Variants in ACBD6 observed in about 807,000 individuals in gnomAD.
ACBD6 encodes acyl-CoA binding domain containing 6.
In ACBD6, 28 loss-of-function variants were observed where a neutral mutation model predicts 37.2. That is an observed-to-expected ratio of 0.75 (90% confidence interval 0.56 to 1.03). The LOEUF is 1.03. Among genes scored for constraint, ACBD6 ranks in the 50% least tolerant of loss-of-function variants. The probability of loss-of-function intolerance (pLI) is 0.00; values close to 1 mark genes in which losing one functional copy is unlikely to be tolerated. For synonymous variants in ACBD6, 113 were observed against 126.8 expected (o/e 0.89, Z 0.73); for missense variants, 340 against 337.4 (o/e 1.01, Z -0.06).
chr1:180,344,099 T>C (rs1652085017), intron 6 of ACBD6, among the ~76,000 whole-genome samples: 1 of 152,080 alleles, frequency 6.6e-6, no homozygotes, highest in African/African-American at 2.4e-5. Context: ...GGCCTGTCTT[T>C]GACTATGAAA....
intron 6 of ACBD6, among the ~76,000 whole-genome samples, chr1:180,328,740 C>G (rs1173859933): frequency 6.6e-6 from 1 of 152,024 alleles, no homozygotes; most frequent in Non-Finnish European, 1.5e-5. Flanking sequence ...AATAGTATTT[C>G]TAAGCCTGGA....
At chr1:180,489,998 A>G (rs1244212199) in intron 3 of ACBD6, among the ~76,000 whole-genome samples, 3 of 152,214 alleles carry the variant, frequency 2.0e-5, no homozygotes, top group Admixed American at 6.5e-5. Flanking sequence ...AAATTTTACT[A>G]AAGTACTGAA....
intron 9 of ACBD6, among the ~76,000 whole-genome samples, chr1:180,280,188 C>T (rs1037964444): frequency 3.3e-5 from 5 of 152,062 alleles, no homozygotes; most frequent in Admixed American, 6.5e-5. Context: ...GGAGAGTGGG[C>T]AAGGAAATCT....
chr1:180,480,111 T>C (rs1650967113), intron 3 of ACBD6, among the ~76,000 whole-genome samples: 1 of 152,234 alleles, frequency 6.6e-6, no homozygotes, highest in South Asian at 2.1e-4. Context: ...AACCAGATTA[T>C]GGTGGACTTT....
chr1:180,382,529 C>CAAAAA (rs1296623121), intron 6 of ACBD6, among the ~76,000 whole-genome samples: 1 of 151,964 alleles, frequency 6.6e-6, no homozygotes, highest in East Asian at 1.9e-4. Flanking sequence ...CTGAATAGAC[C>CAAAAA]AACAGTGAGT....
intron 3 of ACBD6, among the ~76,000 whole-genome samples, chr1:180,464,766 C>T (rs960299696): frequency 2.0e-5 from 3 of 152,102 alleles, no homozygotes; most frequent in Non-Finnish European, 4.4e-5. Context: ...AGAGAAATCA[C>T]ATTACCCAAC....
rs1178836357 is a variant in ACBD6, at chr1:180,475,906, TC to T, written c.384+16362del. On this transcript the variant is annotated intron_variant, in intron 3 of 7. Transcript: ENST00000367595. ...AGAGTTGGTGGGGCACTTTTCATTT[TC>T]CCTTTTACTTAAATCAACAACATGG... 3.9e-5 allele frequency among the ~76,000 whole-genome samples: 6 copies of T among 152,218 alleles called. 1 individual carries two copies. The highest frequency in any genetic ancestry group is 8.8e-5 in the Non-Finnish European group (6 of 68,040).
intron 9 of ACBD6, among the ~76,000 whole-genome samples, chr1:180,279,136 G>C (rs1649223670): frequency 6.6e-6 from 1 of 152,122 alleles, no homozygotes; most frequent in African/African-American, 2.4e-5. Flanking sequence ...TATACTTAGA[G>C]CCATGAAATA....
At chr1:180,331,401 T>C (rs917097933) in intron 6 of ACBD6, among the ~76,000 whole-genome samples, 1 of 152,168 alleles carries the variant, frequency 6.6e-6, no homozygotes, top group Non-Finnish European at 1.5e-5. Context: ...CAGGGGAAAA[T>C]GTAGTCAATA....
At chr1:180,299,251 C>T (rs886120023) in intron 7 of ACBD6, among the ~76,000 whole-genome samples, 2 of 152,152 alleles carry the variant, frequency 1.3e-5, no homozygotes, top group Admixed American at 1.3e-4. Context: ...CCTTTCAAAA[C>T]AGACAAAGGC....
intron 6 of ACBD6, among the ~76,000 whole-genome samples, chr1:180,322,728 A>C (rs1441100675): frequency 6.8e-6 from 1 of 147,346 alleles, no homozygotes; most frequent in Admixed American, 6.7e-5. Context: ...CTCTGATTTT[A>C]TTTGGGTCTT....
At chr1:180,438,501 C>T (rs982126235) in intron 3 of ACBD6, 3 of 152,852 alleles carry the variant, frequency 2.0e-5, no homozygotes, top group Non-Finnish European at 4.4e-5. Flanking sequence ...CTATGGTCCA[C>T]TTGGTAATTA....
At chr1:180,285,609 G>A (rs1649467419), downstream of ACBD6, among the ~76,000 whole-genome samples, 1 of 152,048 alleles carries the variant, frequency 6.6e-6, no homozygotes, top group Non-Finnish European at 1.5e-5. Flanking sequence ...GCATATATTT[G>A]TCTGGACGCT....
exon 14 of ACBD6, chr1:180,270,970 C>A: frequency 3.2e-6 from 1 of 310,504 alleles, no homozygotes. Flanking sequence ...GGGAGGGCAT[C>A]TGGGGCGACT....
Position 180,502,170 on chromosome 1 carries a change from T to C in ACBD6, c.97A>G (p.Ser33Gly), listed in dbSNP as rs776854900. ...DDSGEVEFPH[S>G]PEIEETSCLA... ...CAACTGGTCTCCTCGATCTCAGGGC[T>C]ATGGGGGAACTCCACCTCCCCGGAG... The change falls in exon 1 of 8, where the codon AGC becomes GGC. Residue 33 changes from serine to glycine, a missense_variant. By Grantham distance (56) the Ser-to-Gly change is moderately conservative (BLOSUM62 0). Coordinates refer to ENST00000367595, the MANE Select transcript of ACBD6 (RefSeq NM_032360.4). 6.2e-7 allele frequency: 1 copy of C among 1,614,116 alleles called. No homozygotes were observed.
chr1:180,362,037 G>T (rs899578241), intron 6 of ACBD6, among the ~76,000 whole-genome samples: 1 of 151,800 alleles, frequency 6.6e-6, no homozygotes, highest in Non-Finnish European at 1.5e-5. Context: ...TATAAATGAA[G>T]GTGGTTCCTC....
At chr1:180,494,851 C>T (rs1337232729) in intron 2 of ACBD6, among the ~76,000 whole-genome samples, 1 of 152,130 alleles carries the variant, frequency 6.6e-6, no homozygotes. Flanking sequence ...CAAGGGGGAA[C>T]TTCTGAATTA....
intron 6 of ACBD6, among the ~76,000 whole-genome samples, chr1:180,364,180 T>C (rs1036218910): frequency 8.5e-5 from 13 of 152,320 alleles, no homozygotes; most frequent in African/African-American, 3.1e-4. Flanking sequence ...TATACAGTGA[T>C]TTGCTATAAA....
chr1:180,326,823 C>T (rs529816158), intron 6 of ACBD6, among the ~76,000 whole-genome samples: 187 of 152,258 alleles, frequency 1.2e-3, no homozygotes, highest in African/African-American at 4.4e-3. Context: ...CCTTCTGACC[C>T]AGGATGTGTC....
Sources: allele counts gnomAD v4.1 joint callset (sites outside exome capture counted in the v4.1 genomes callset), GRCh38; gene constraint gnomAD v4.1.1; transcripts MANE v1.5; gene names NCBI Gene and HGNC (gene_info 2026-07-23, HGNC 2026-07-21).